Variants in PROM1 observed in about 807,000 individuals in gnomAD.
PROM1 encodes prominin 1.
A neutral mutation model predicts 116.9 loss-of-function variants in PROM1; 105 were observed. The ratio of observed to expected loss-of-function variants is 0.90; its 90% CI spans 0.77 to 1.06. PROM1 has a LOEUF of 1.06. Among genes scored for constraint, PROM1 ranks in the 50% least tolerant of loss-of-function variants. PROM1 has a pLI of 0.00. For missense variants in PROM1, 1,122 were observed against 1,045.2 expected (o/e 1.07, Z -1.01); for synonymous variants, 393 against 387.0 (o/e 1.02, Z -0.18).
chr4:16,074,449 T>C lies in PROM1; in HGVS notation c.220+1238A>G, dbSNP rs143671953. Among the ~76,000 whole-genome samples, 949 of 152,322 alleles carry C rather than the reference T, an allele frequency of 6.2e-3. 4 individuals carry two copies. The highest frequency in any genetic ancestry group is 0.01 in the Non-Finnish European group (681 of 68,010). ...CTCCAAATAAGCCAAGAGATGTCTA[T>C]TCAGAAGAGTGAATTTGCATCCAAT... On this transcript the variant is annotated intron_variant, in intron 2 of 27. Transcript: ENST00000447510.
chr4:16,033,902 C>CATATATATAT (rs35739890), intron 4 of PROM1, among the ~76,000 whole-genome samples: 2 of 147,074 alleles, frequency 1.4e-5, no homozygotes, highest in African/African-American at 5.0e-5. Flanking sequence ...TGAATGTGTA[C>CATATATATAT]ATATATATAT....
intron 7 of PROM1, among the ~76,000 whole-genome samples, chr4:16,023,618 T>A (rs192374582): frequency 2.6e-5 from 4 of 152,284 alleles, no homozygotes; most frequent in Admixed American, 6.5e-5. Flanking sequence ...AATTAATCAC[T>A]ACAGACTCAC....
Position 16,024,328 on chromosome 4 carries a change from T to G in PROM1, c.661A>C (p.Thr221Pro), listed in dbSNP as rs532183630. The G allele has an allele frequency of 7.4e-6, 12 of 1,613,462 alleles. No homozygotes were observed. The Admixed American group carries it at 1.7e-4, about 22-fold the overall frequency. ...QIKYILAQYN[T>P]TKDKAFTDLN... ...TCTGTGAACGCCTTGTCCTTGGTAG[T>G]GTTGTACTGGGCCAATATATATTTG... is the stretch of plus-strand genomic sequence containing the variant. The change falls in exon 7 of 28, where the codon ACT becomes CCT. Residue 221 changes from threonine (T) to proline (P), a missense_variant. By Grantham distance (38) the Thr-to-Pro change is conservative. Transcript: ENST00000447510.
rs1444903700 is a variant in PROM1, at chr4:15,986,364, C to CACCATGCTGGGGAAACATACG, written c.2131-348_2131-328dup. On this transcript the variant is annotated intron_variant, in intron 20 of 27. Transcript: ENST00000447510. ...TGAGGCAGCTCAGCCTCTTCACGGT[C>CACCATGCTGGGGAAACATACG]ACCATGCTGGGGAAACATACGACAA... Among the ~76,000 whole-genome samples, 6 of 152,096 alleles carry CACCATGCTGGGGAAACATACG rather than the reference C, an allele frequency of 3.9e-5. No homozygotes were observed. The East Asian group carries it at 9.7e-4, about 24-fold the overall frequency.
chr4:16,005,015 G>A (rs1250972210), intron 13 of PROM1, among the ~76,000 whole-genome samples: 1 of 142,266 alleles, frequency 7.0e-6, no homozygotes, highest in African/African-American at 2.6e-5. Context: ...AGGTTGGAGT[G>A]CAGTTGGCAC....
At chr4:15,973,461 AGCAAAGAATCTACAGAGCAT>A (rs1221963444) in intron 26 of PROM1, among the ~76,000 whole-genome samples, 1 of 152,200 alleles carries the variant, frequency 6.6e-6, no homozygotes, top group African/African-American at 2.4e-5. Flanking sequence ...CAACAACAAC[AGCAAAGAATCTACAGAGCAT>A]GCACAATGAA....
chr4:16,071,846 T>G (rs1420963036), intron 2 of PROM1, among the ~76,000 whole-genome samples: 1 of 152,196 alleles, frequency 6.6e-6, no homozygotes, highest in Non-Finnish European at 1.5e-5. Flanking sequence ...CACAGTCTCC[T>G]ACATGCCCTA....
chr4:16,000,415 C>T, intron 14 of PROM1, 81 bp downstream of exon 14: 3 of 1,275,740 alleles, frequency 2.4e-6, no homozygotes, highest in South Asian at 3.8e-5. Flanking sequence ...GTTTGCACTG[C>T]TCTTAAAGTA....
Position 16,035,759 on chromosome 4 carries a change from T to G in PROM1, c.279A>C (p.Pro93=). The stretch of plus-strand genomic sequence containing the variant: ...CCTTTAGACCTAAGATTACAGTTTC[T>G]GGCTGTAGAAGTCAACGCAGGTGAG... ...AYESKIDYDK[P]ETVILGLKIV... Residue 93 remains proline, a splice_region_variant and synonymous_variant, in exon 4 of 28, where the codon CCA becomes CCC. Transcript: ENST00000447510. 1.2e-6 allele frequency: 2 copies of G among 1,613,602 alleles called. No individual in the cohort carries two copies. The highest frequency in any genetic ancestry group is 1.7e-6 in the Non-Finnish European group (2 of 1,179,628).
chr4:16,063,887 G>A (rs1263069460), intron 2 of PROM1, among the ~76,000 whole-genome samples: 2 of 152,160 alleles, frequency 1.3e-5, no homozygotes, highest in Admixed American at 6.5e-5. Flanking sequence ...GGTAGGAGGA[G>A]TGAATAGAGG....
intron 23 of PROM1, 85 bp downstream of exon 23, chr4:15,984,178 A>G: frequency 1.8e-6 from 2 of 1,128,918 alleles, no homozygotes; most frequent in African/African-American, 1.6e-5. Flanking sequence ...AGCAGAAAAC[A>G]AATATTATAA....
chr4:15,996,661 C>A (rs2149156480), intron 15 of PROM1, among the ~76,000 whole-genome samples: 1 of 152,156 alleles, frequency 6.6e-6, no homozygotes, highest in African/African-American at 2.4e-5. Flanking sequence ...TTAAAAAGTA[C>A]AAAAAGAACC....
intron 15 of PROM1, among the ~76,000 whole-genome samples, chr4:15,995,412 AGAG>A (rs1358316326): frequency 5.3e-5 from 8 of 152,194 alleles, no homozygotes; most frequent in Non-Finnish European, 1.0e-4. Flanking sequence ...GAGGAGAAGA[AGAG>A]GAGGAGGAAG....
At chr4:16,068,321 G>A (rs1249846616) in intron 2 of PROM1, among the ~76,000 whole-genome samples, 1 of 152,182 alleles carries the variant, frequency 6.6e-6, no homozygotes, top group East Asian at 1.9e-4. Flanking sequence ...AAAGTTCCAC[G>A]TTACCAAATG....
chr4:16,004,076 T>C (rs3796849), intron 13 of PROM1, among the ~76,000 whole-genome samples: 17,354 of 152,296 alleles, frequency 0.11, 1,033 homozygotes, highest in South Asian at 0.13. Flanking sequence ...TTAGTCTGAT[T>C]AGACTGATGA....
At position 15,969,022 on chromosome 4, in the gene PROM1, A is replaced by G. The variant is rs1713723747; in HGVS notation, c.*371T>C. The G allele has an allele frequency of 1.3e-5, 2 of 152,246 alleles. No homozygotes were observed. Among genetic ancestry groups the G allele is most frequent in the African/African-American group, 2.4e-5 (1 of 41,454 alleles). 9.4% of individuals were successfully genotyped at this position (152,246 alleles called of 1,614,324 possible). A position where few individuals can be genotyped will look rare whatever the true frequency, so the allele number is the denominator to read the frequency against. On this transcript the variant is annotated 3_prime_UTR_variant, in exon 28 of 28. Coordinates refer to ENST00000447510, the MANE Select transcript of PROM1 (RefSeq NM_006017.3). ...TGTTCAGCACACTCCACACATGGCAATATGTTAGAATCTAGCCATCACATT... is the reference window on the plus strand; with the variant it reads ...TGTTCAGCACACTCCACACATGGCAGTATGTTAGAATCTAGCCATCACATT...
At chr4:16,015,077 G>A (rs986188750) in intron 10 of PROM1, among the ~76,000 whole-genome samples, 4 of 152,214 alleles carry the variant, frequency 2.6e-5, no homozygotes, top group African/African-American at 9.6e-5. Flanking sequence ...CGGGCGTGAC[G>A]GCTCATGCCT....
chr4:16,061,863 C>CTG (rs761827553), intron 2 of PROM1, among the ~76,000 whole-genome samples: 1 of 150,714 alleles, frequency 6.6e-6, no homozygotes, highest in Non-Finnish European at 1.5e-5. Flanking sequence ...GGCATTCTCC[C>CTG]TGTGTGTGTG....
intron 27 of PROM1, among the ~76,000 whole-genome samples, chr4:15,970,773 T>C (rs1272465480): frequency 1.3e-5 from 2 of 150,560 alleles, no homozygotes; most frequent in Non-Finnish European, 2.9e-5. Flanking sequence ...GCTGTTATAC[T>C]GTATTGTTTT....
Sources: allele counts gnomAD v4.1 joint callset (sites outside exome capture counted in the v4.1 genomes callset), GRCh38; gene constraint gnomAD v4.1.1; transcripts MANE v1.5; gene names NCBI Gene and HGNC (gene_info 2026-07-23, HGNC 2026-07-21).